Variants in APOL3 observed in about 807,000 individuals in gnomAD.
APOL3 encodes the protein apolipoprotein L3.
APOL3 carries 14 observed loss-of-function variants against 11.6 expected under a neutral mutation model. The observed-to-expected ratio is 1.21, with a 90% confidence interval of 0.80 to 1.89. The LOEUF (loss-of-function observed/expected upper bound fraction) is 1.89, where lower values mean the gene tolerates loss of function less well. Among genes scored for constraint, APOL3 ranks in the 40% most tolerant of loss-of-function variants. The pLI is 0.00. For missense variants in APOL3, 483 were observed against 492.1 expected (o/e 0.98, Z 0.17); for synonymous variants, 192 against 190.6 (o/e 1.01, Z -0.06).
At chr22:36,156,915 A>C in intron 1 of APOL3, 1 of 455,780 alleles carries the variant, frequency 2.2e-6, no homozygotes, top group Admixed American at 2.3e-5. Context: ...CTTGGACTAA[A>C]AGCAACCAGC....
At position 36,157,822 on chromosome 22, in the gene APOL3, G is replaced by C. The variant is rs550559146; in HGVS notation, c.223+2847C>G. ...CCCAGCACTTTGGCAGGCCAAGGCG[G>C]GTGGATCACCTGAGGTCAGGAGTTC... is the stretch of plus-strand genomic sequence containing the variant. On this transcript the variant is annotated intron_variant, in intron 1 of 2. Coordinates refer to ENST00000349314, the Ensembl canonical transcript of APOL3. Among the ~76,000 whole-genome samples the C allele has an allele frequency of 9.6e-4, 146 of 152,332 alleles. No homozygotes were observed. In the Middle Eastern group the frequency reaches 0.01, roughly 11 times the overall value.
chr22:36,149,821 G>A (rs1470044179), intron 1 of APOL3: 3 of 456,128 alleles, frequency 6.6e-6, no homozygotes, highest in South Asian at 4.6e-5. Flanking sequence ...TGCACTCTAT[G>A]CCCAAGTGTC....
intron 1 of APOL3, among the ~76,000 whole-genome samples, chr22:36,147,755 G>C (rs181467274): frequency 5.9e-5 from 9 of 152,228 alleles, no homozygotes; most frequent in Admixed American, 2.0e-4. Context: ...TCCAGCACTA[G>C]ATCTGTGTAT....
intron 1 of APOL3, chr22:36,159,179 C>T (rs1056056915): frequency 3.3e-5 from 5 of 152,266 alleles, no homozygotes; most frequent in African/African-American, 1.2e-4. Context: ...CAGCTCTCCC[C>T]ACTTTCCTGC....
chr22:36,163,221 TG>T (rs2013776368), upstream of APOL3, among the ~76,000 whole-genome samples: 1 of 152,230 alleles, frequency 6.6e-6, no homozygotes, highest in African/African-American at 2.4e-5. Context: ...CCCTTTAGAC[TG>T]GGCATTTTGG....
intron 1 of APOL3, among the ~76,000 whole-genome samples, chr22:36,154,068 A>C (rs914639947): frequency 6.6e-6 from 1 of 152,234 alleles, no homozygotes; most frequent in African/African-American, 2.4e-5. Flanking sequence ...TGAAGCTTTC[A>C]GCTAGCAGGC....
chr22:36,142,010 A>G, exon 3 of APOL3: 1 of 1,614,162 alleles, frequency 6.2e-7, no homozygotes, highest in Non-Finnish European at 8.5e-7. Context: ...CAATAGCTGC[A>G]TATGTTCTAA....
chr22:36,142,377 G>A (rs1246029931), intron 2 of APOL3, among the ~76,000 whole-genome samples: 1 of 152,168 alleles, frequency 6.6e-6, no homozygotes, highest in Non-Finnish European at 1.5e-5. Flanking sequence ...AATAGTGTGT[G>A]GAGAGGGGAA....
chr22:36,153,590 C>A (rs1330341525), intron 1 of APOL3, among the ~76,000 whole-genome samples: 1 of 152,168 alleles, frequency 6.6e-6, no homozygotes, highest in Non-Finnish European at 1.5e-5. Context: ...TTGTGGGGAA[C>A]CAAATTCCCC....
chr22:36,162,205 C>T (rs756717314), upstream of APOL3, among the ~76,000 whole-genome samples: 2 of 152,182 alleles, frequency 1.3e-5, no homozygotes, highest in Admixed American at 6.5e-5. Context: ...GCAACAGCTC[C>T]TGGCCCACCT....
chr22:36,154,389 G>A (rs2012381472), intron 1 of APOL3: 1 of 334,348 alleles, frequency 3.0e-6, no homozygotes, highest in African/African-American at 2.2e-5. Flanking sequence ...ACATTCAAGT[G>A]AGAACATTTG....
intron 2 of APOL3, among the ~76,000 whole-genome samples, chr22:36,142,859 G>A (rs55716282): frequency 0.055 from 8,391 of 152,250 alleles, 765 homozygotes; most frequent in African/African-American, 0.19. Context: ...TGCTTGCTGG[G>A]CCTGTACTGC....
At chr22:36,145,905 A>C (rs2060184805) in intron 1 of APOL3, among the ~76,000 whole-genome samples, 2 of 149,848 alleles carry the variant, frequency 1.3e-5, no homozygotes, top group South Asian at 2.1e-4. Flanking sequence ...GAGGCAGAAG[A>C]TCTCTCTCTC....
At position 36,149,444 on chromosome 22, in the gene APOL3, A is replaced by G. The variant is rs1479000231; in HGVS notation, c.224-3845T>C. The G allele has an allele frequency of 1.0e-5, 13 of 1,240,132 alleles. No individual in the cohort carries two copies. The South Asian group carries it at 1.4e-4, about 13-fold the overall frequency. 76.8% of individuals were successfully genotyped at this position (1,240,132 alleles called of 1,614,324 possible). On this transcript the variant is annotated intron_variant, in intron 1 of 2. Transcript: ENST00000349314. ...GATAATCACAGAAACTACAGAGTCT[A>G]TACACCGAAATAGAGATGGGAAGGA...
upstream of APOL3, among the ~76,000 whole-genome samples, chr22:36,162,107 C>A (rs1055962897): frequency 6.6e-6 from 1 of 152,172 alleles, no homozygotes; most frequent in African/African-American, 2.4e-5. Context: ...GAGTTGGTCA[C>A]AATCCCTTTG....
intron 1 of APOL3, among the ~76,000 whole-genome samples, chr22:36,157,550 C>T (rs538752413): frequency 1.3e-5 from 2 of 152,194 alleles, no homozygotes; most frequent in African/African-American, 2.4e-5. Context: ...GAAGACCTTT[C>T]GAATCAAAAC....
chr22:36,153,892 G>A (rs2012265831), intron 1 of APOL3, among the ~76,000 whole-genome samples: 2 of 152,190 alleles, frequency 1.3e-5, no homozygotes, highest in African/African-American at 4.8e-5. Flanking sequence ...CATCGGTTTG[G>A]TCTAGAAAGG....
At chr22:36,156,721 G>A (rs1160936646) in intron 1 of APOL3, 1 of 300,464 alleles carries the variant, frequency 3.3e-6, no homozygotes, top group Admixed American at 3.9e-5. Context: ...GGCTCCCTGA[G>A]CACTCTGCTT....
At chr22:36,141,629 A>G (rs1250059940) in exon 3 of APOL3, 2 of 1,614,048 alleles carry the variant, frequency 1.2e-6, no homozygotes, top group African/African-American at 1.3e-5. Flanking sequence ...TCAATCGGTC[A>G]ATGCTGGTTG....
Sources: allele counts gnomAD v4.1 joint callset (sites outside exome capture counted in the v4.1 genomes callset), GRCh38; gene constraint gnomAD v4.1.1; transcripts MANE v1.5; gene names NCBI Gene and HGNC (gene_info 2026-07-23, HGNC 2026-07-21).